TOB2: variants seen among roughly 807,000 people sequenced by gnomAD.
The protein encoded by TOB2 is protein Tob2.
TOB2 carries 3 observed loss-of-function variants against 17.3 expected under a neutral mutation model. The ratio of observed to expected loss-of-function variants is 0.17; its 90% CI spans 0.08 to 0.45. TOB2 has a LOEUF of 0.45. Ranked by LOEUF, TOB2 falls within the 20% of genes least tolerant of loss-of-function variation. The pLI is 0.99. For synonymous variants in TOB2, 163 were observed against 185.6 expected (o/e 0.88, Z 0.99); for missense variants, 407 against 445.7 (o/e 0.91, Z 0.78).
chr22:41,436,747 C>G lies in TOB2; in HGVS notation c.599G>C (p.Gly200Ala). 6.2e-7 allele frequency: 1 copy of G among 1,613,758 alleles called. No individual in the cohort carries two copies. Among genetic ancestry groups the G allele is most frequent in the African/African-American group, 1.3e-5 (1 of 75,058 alleles). The part of the protein sequence containing the change: ...KMKKGGGAAS[G>A]GGVASSGAGG... ...CGCCCCACTGCTGGCTACACCCCCA[C>G]CACTTGCTGCCCCGCCCCCCTTCTT... The change falls in exon 2 of 2, where the codon GGT becomes GCT. Residue 200 changes from glycine (G) to alanine (A), a missense_variant. Physicochemically the swap from Gly to Ala is moderately conservative, Grantham distance 60. Coordinates refer to ENST00000327492, the MANE Select transcript of TOB2 (RefSeq NM_016272.4). This position sits in a 1 kb window ranked among gnomAD's most constrained non-coding sequence, Gnocchi z 4.8.
In TOB2 at chr22:41,437,299, A is replaced by C; in HGVS notation, c.47T>G (p.Leu16Trp). 1.2e-6 allele frequency: 2 copies of C among 1,613,936 alleles called. No individual in the cohort carries two copies. Among genetic ancestry groups the C allele is most frequent in the Non-Finnish European group, 1.7e-6 (2 of 1,179,990 alleles). Residue 16 changes from leucine to tryptophan, a missense_variant, in exon 2 of 2, where the codon TTG (leucine) becomes TGG (tryptophan). By Grantham distance (61) the Leu-to-Trp change is moderately conservative. Coordinates refer to ENST00000327492, the MANE Select transcript of TOB2 (RefSeq NM_016272.4). ...KVALNFIISY[L>W]YNKLPRRRAD... ...CCGGCGCCGGGGCAGCTTGTTGTAC[A>C]AGTAGGAGATGATGAAGTTCAGGGC... is the stretch of plus-strand genomic sequence containing the variant.
chr22:41,443,067 G>T (rs1431349515), intron 1 of TOB2, among the ~76,000 whole-genome samples: 1 of 152,142 alleles, frequency 6.6e-6, no homozygotes, highest in Non-Finnish European at 1.5e-5. Flanking sequence ...ATTTCACTAA[G>T]AATTTTATCC....
Position 41,436,918 on chromosome 22 carries a change from A to C in TOB2, c.428T>G (p.Ile143Ser). 6.2e-7 allele frequency: 1 copy of C among 1,614,182 alleles called. No individual in the cohort carries two copies. Among genetic ancestry groups the C allele is most frequent in the Non-Finnish European group, 8.5e-7 (1 of 1,180,032 alleles). The change falls in exon 2 of 2, where the codon ATT (isoleucine) becomes AGT (serine). Residue 143 changes from isoleucine to serine, a missense_variant. Ile to Ser is a moderately radical substitution (Grantham distance 142). Transcript: ENST00000327492. The surrounding 1 kb of genome is among the most constrained non-coding windows in gnomAD (Gnocchi z 4.8). ...FNPDAQVFVP[I>S]GSQDSSLSNS... ...GGACAGGGAGCTGTCCTGGCTGCCAATGGGCACGAACACCTGGGCGTCAGG... is the reference window on the plus strand; with the variant it reads ...GGACAGGGAGCTGTCCTGGCTGCCACTGGGCACGAACACCTGGGCGTCAGG...
chr22:41,440,920 C>T (rs1456742479), intron 1 of TOB2, among the ~76,000 whole-genome samples: 1 of 151,664 alleles, frequency 6.6e-6, no homozygotes, highest in Non-Finnish European at 1.5e-5. Context: ...GTCACCCAGG[C>T]TGTTCTTGAA....
At chr22:41,443,814 G>A (rs575270722) in intron 1 of TOB2, among the ~76,000 whole-genome samples, 95 of 151,854 alleles carry the variant, frequency 6.3e-4, no homozygotes, top group African/African-American at 2.3e-3. Flanking sequence ...GCAGAGACGG[G>A]GTTTCTCCAA....
intron 1 of TOB2, 145 bp downstream of exon 1, chr22:41,446,234 G>T (rs896753875): frequency 6.5e-6 from 1 of 153,128 alleles, no homozygotes; most frequent in African/African-American, 2.4e-5. Context: ...GCTGGATGGG[G>T]AAAGAAAATG....
intron 1 of TOB2, among the ~76,000 whole-genome samples, chr22:41,438,557 G>A (rs2037578955): frequency 7.0e-6 from 1 of 143,580 alleles, no homozygotes; most frequent in South Asian, 2.2e-4. Flanking sequence ...TTGAACCCAG[G>A]AGGCGGAGGT....
intron 1 of TOB2, among the ~76,000 whole-genome samples, chr22:41,441,848 T>C (rs1373548376): frequency 6.6e-6 from 1 of 150,960 alleles, no homozygotes; most frequent in African/African-American, 2.4e-5. Flanking sequence ...GAGGCGGAGG[T>C]TGCAGTGAGC....
intron 1 of TOB2, among the ~76,000 whole-genome samples, chr22:41,442,129 A>C (rs540694693): frequency 6.6e-6 from 1 of 151,622 alleles, no homozygotes; most frequent in Non-Finnish European, 1.5e-5. Flanking sequence ...AGTTGTGAGG[A>C]AAGTTGATAC....
rs2037531693 is a variant in TOB2, at chr22:41,435,173, G to A, written c.*1138C>T. On this transcript the variant is annotated 3_prime_UTR_variant, in exon 2 of 2. Coordinates refer to ENST00000327492, the MANE Select transcript of TOB2 (RefSeq NM_016272.4). ...GTCCAGGGACTTCTCATAGGCATCA[G>A]GGGCTTGGGTATTCCCTCTGCCCTT... is the stretch of plus-strand genomic sequence containing the variant. The A allele has an allele frequency of 6.6e-6, 1 of 152,320 alleles. No homozygotes were observed. The highest frequency in any genetic ancestry group is 2.4e-5 in the African/African-American group (1 of 41,444). 9.4% of individuals were successfully genotyped at this position (152,320 alleles called of 1,614,324 possible). A position where few individuals can be genotyped will look rare whatever the true frequency, so the allele number is the denominator to read the frequency against.
At position 41,433,733 on chromosome 22, in the gene TOB2, C is replaced by T. The variant is rs2037511979; in HGVS notation, c.*2578G>A. On this transcript the variant is annotated 3_prime_UTR_variant, in exon 2 of 2. Transcript: ENST00000327492. Reference sequence around the variant, plus strand: ...CCTCTCCAGGCTTGCCTCAATGCCCCCTTCCCATCCCTAGGGAGAAAACTA... The same window carrying T: ...CCTCTCCAGGCTTGCCTCAATGCCCTCTTCCCATCCCTAGGGAGAAAACTA... 1.0e-5 allele frequency: 5 copies of T among 500,458 alleles called. No individual in the cohort carries two copies. Among genetic ancestry groups the T allele is most frequent in the South Asian group, 1.5e-5 (1 of 66,170 alleles). The allele number at this position is 500,458 out of a possible 1,614,324, so 31.0% of individuals were successfully genotyped here.
At chr22:41,444,142 G>A (rs1406769099) in intron 1 of TOB2, among the ~76,000 whole-genome samples, 4 of 152,176 alleles carry the variant, frequency 2.6e-5, no homozygotes, top group Admixed American at 1.3e-4. Context: ...GCCGCTGTCC[G>A]GGGAGTGAGA....
In TOB2 at chr22:41,437,422, G is replaced by A; in HGVS notation, c.-62-15C>T. On this transcript the variant is annotated splice_polypyrimidine_tract_variant and intron_variant, in intron 1 of 1. Coordinates refer to ENST00000327492, the MANE Select transcript of TOB2 (RefSeq NM_016272.4). Reference sequence around the variant, plus strand: ...TCCAGGCGGCTCTGGGAAATGAGAGGCACCGTGAGAAAATATGCAGAAAGC... The same window carrying A: ...TCCAGGCGGCTCTGGGAAATGAGAGACACCGTGAGAAAATATGCAGAAAGC... The A allele has an allele frequency of 1.3e-6, 2 of 1,521,376 alleles. No individual in the cohort carries two copies. The highest frequency in any genetic ancestry group is 1.8e-6 in the Non-Finnish European group (2 of 1,139,682). The allele number at this position is 1,521,376 out of a possible 1,614,324, so 94.2% of individuals were successfully genotyped here. A position where few individuals can be genotyped will look rare whatever the true frequency, so the allele number is the denominator to read the frequency against.
Position 41,437,073 on chromosome 22 carries a change from A to G in TOB2, c.273T>C (p.Ser91=). 11 of 1,614,010 alleles carry G rather than the reference A, an allele frequency of 6.8e-6. No homozygotes were observed. The highest frequency in any genetic ancestry group is 9.3e-6 in the Non-Finnish European group (11 of 1,180,000). The change falls in exon 2 of 2, where the codon AGT becomes AGC. Residue 91 remains serine (S), a synonymous_variant. Coordinates refer to ENST00000327492, the MANE Select transcript of TOB2 (RefSeq NM_016272.4). The stretch of plus-strand genomic sequence containing the variant: ...ACACCTCAAAGGGATCAATCCAGAC[A>G]CTCAGCTCCTCAGGCACATTGGCCC... ...DVRANVPEEL[S]VWIDPFEVSY...
In TOB2 at chr22:41,444,399, G is replaced by C. The variant is rs1361953156; in HGVS notation, c.-63+1980C>G. On this transcript the variant is annotated intron_variant, in intron 1 of 1. Transcript: ENST00000327492. ...TTCTAGGGCACTCCATGTTCCTCAG[G>C]AGCTAGGAAAACTCGACTCAACCCA... Among the ~76,000 whole-genome samples the C allele has an allele frequency of 3.9e-5, 6 of 152,178 alleles. 1 individual carries two copies. Among genetic ancestry groups the C allele is most frequent in the South Asian group, 2.1e-4 (1 of 4,826 alleles).
At chr22:41,445,105 G>A (rs981984417) in intron 1 of TOB2, among the ~76,000 whole-genome samples, 1 of 152,258 alleles carries the variant, frequency 6.6e-6, no homozygotes, top group Non-Finnish European at 1.5e-5. Flanking sequence ...CCAGGCCAAG[G>A]CCAGCAGGGC....
intron 1 of TOB2, among the ~76,000 whole-genome samples, chr22:41,440,552 C>T (rs2037605366): frequency 6.6e-6 from 1 of 150,828 alleles, no homozygotes; most frequent in African/African-American, 2.4e-5. Flanking sequence ...GGACTACAGG[C>T]ATGTACCACC....
In TOB2 at chr22:41,444,974, C is replaced by T. The variant is rs546939291; in HGVS notation, c.-63+1405G>A. ...TTCAAAGGGAAACGGATCTTTTTCA[C>T]TTAATGCCTAGCGGACTCGGCTCCA... is the stretch of plus-strand genomic sequence containing the variant. On this transcript the variant is annotated intron_variant, in intron 1 of 1. Coordinates refer to ENST00000327492, the MANE Select transcript of TOB2 (RefSeq NM_016272.4). Among the ~76,000 whole-genome samples, 6 of 152,302 alleles carry T rather than the reference C, an allele frequency of 3.9e-5. No homozygotes were observed. In the East Asian group the frequency reaches 5.8e-4, roughly 15 times the overall value.
In TOB2 at chr22:41,433,606, A is replaced by G. The variant is rs1601843974; in HGVS notation, c.*2705T>C. ...TTAAACTAAAATCTCTAAACACACC[A>G]ATGTCCCATTCCAAAATATTGCACA... On this transcript the variant is annotated 3_prime_UTR_variant, in exon 2 of 2. Coordinates refer to ENST00000327492, the MANE Select transcript of TOB2 (RefSeq NM_016272.4). 4 of 240,362 alleles carry G rather than the reference A, an allele frequency of 1.7e-5. No homozygotes were observed. The South Asian group carries it at 2.1e-4, about 12-fold the overall frequency. The allele number at this position is 240,362 out of a possible 1,614,324, so 14.9% of individuals were successfully genotyped here. A position where few individuals can be genotyped will look rare whatever the true frequency, so the allele number is the denominator to read the frequency against.
Sources: gnomAD v4.1 joint callset for allele counts (sites outside exome capture counted in the v4.1 genomes callset) on GRCh38, gnomAD v4.1.1 for gene constraint, Gnocchi (gnomAD v3.1) non-coding constraint, MANE v1.5 for transcripts, NCBI Gene and HGNC (gene_info 2026-07-23, HGNC 2026-07-21) for gene names.